The following RPS6KC1 variants were observed in gnomAD, a reference collection of about 807,000 sequenced individuals.
The protein encoded by RPS6KC1 is ribosomal protein S6 kinase C1.
RPS6KC1 carries 54 observed loss-of-function variants against 103.8 expected under a neutral mutation model. That is an observed-to-expected ratio of 0.52 (90% CI 0.42 to 0.65). RPS6KC1 has a LOEUF of 0.65. RPS6KC1 is among the 30% of genes least tolerant of loss of function. The pLI is 0.00. For missense variants in RPS6KC1, 1,151 were observed against 1,253.8 expected (o/e 0.92, Z 1.24); for synonymous variants, 439 against 438.7 (o/e 1.00, Z -0.01).
At chr1:213,423,195 C>T in the RPS6KC1 span, among the ~76,000 whole-genome samples, 2 of 152,218 alleles carry the variant, frequency 1.3e-5, no homozygotes, top group African/African-American at 2.4e-5. Context: ...TTCTTTTGTT[C>T]GGAGCTGAGG....
the RPS6KC1 span, among the ~76,000 whole-genome samples, chr1:213,449,069 T>A: frequency 1.3e-5 from 2 of 152,204 alleles, no homozygotes; most frequent in Non-Finnish European, 2.9e-5. Flanking sequence ...GAGGCTTTCC[T>A]CACAGGATCT....
intron 13 of RPS6KC1, 90 bp from the exon 14 acceptor site, chr1:213,262,630 GA>G (rs2094824036): frequency 2.4e-6 from 2 of 845,984 alleles, no homozygotes; most frequent in Non-Finnish European, 4.1e-6. Flanking sequence ...AATGGTTGTT[GA>G]GCTCTCTGTA....
intron 14 of RPS6KC1, among the ~76,000 whole-genome samples, chr1:213,272,091 C>T (rs1157611082): frequency 6.6e-6 from 1 of 152,158 alleles, no homozygotes; most frequent in African/African-American, 2.4e-5. Flanking sequence ...AGTTTAGTCT[C>T]AATACATACA....
At chr1:213,740,221 C>T in the RPS6KC1 span, among the ~76,000 whole-genome samples, 309 of 152,160 alleles carry the variant, frequency 2.0e-3, 1 homozygote, top group African/African-American at 6.9e-3. Flanking sequence ...GAAATTCCTG[C>T]TATAACATCA....
the RPS6KC1 span, among the ~76,000 whole-genome samples, chr1:213,481,289 G>T: frequency 6.6e-6 from 1 of 152,108 alleles, no homozygotes; most frequent in Non-Finnish European, 1.5e-5. Context: ...CCCATGAAAA[G>T]ACAAGAAAAT....
chr1:213,455,317 A>C, the RPS6KC1 span, among the ~76,000 whole-genome samples: 1 of 152,094 alleles, frequency 6.6e-6, no homozygotes, highest in African/African-American at 2.4e-5. Flanking sequence ...CAATTTAAGA[A>C]CATTAAAAAG....
the RPS6KC1 span, among the ~76,000 whole-genome samples, chr1:213,306,432 T>C: frequency 6.6e-6 from 1 of 152,216 alleles, no homozygotes; most frequent in Non-Finnish European, 1.5e-5. Flanking sequence ...TAGGGAATGA[T>C]GAGAGCATCC....
In RPS6KC1 at chr1:213,096,921, G is replaced by A. The variant is rs550779473; in HGVS notation, c.263-7533G>A. 1.6e-4 allele frequency among the ~76,000 whole-genome samples: 24 copies of A among 152,250 alleles called. No individual in the cohort carries two copies. The East Asian group carries it at 4.4e-3, about 28-fold the overall frequency. On this transcript the variant is annotated intron_variant, in intron 3 of 14. Transcript: ENST00000366960. ...ACAGAAATATATAGGTAAATAAGGA[G>A]GATTGAAAGTACAAAATTACTCCTT... is the stretch of plus-strand genomic sequence containing the variant.
chr1:213,594,002 A>G, the RPS6KC1 span, among the ~76,000 whole-genome samples: 1 of 152,078 alleles, frequency 6.6e-6, no homozygotes, highest in African/African-American at 2.4e-5. Flanking sequence ...AGTATCTGGG[A>G]TTACAGGCGT....
chr1:213,199,854 C>T (rs935808378), intron 8 of RPS6KC1, among the ~76,000 whole-genome samples: 7 of 152,090 alleles, frequency 4.6e-5, no homozygotes, highest in African/African-American at 1.2e-4. Context: ...AGTCAAGCCA[C>T]GAGCCAAATC....
At chr1:213,270,638 T>G (rs574326183) in intron 14 of RPS6KC1, among the ~76,000 whole-genome samples, 1 of 151,968 alleles carries the variant, frequency 6.6e-6, no homozygotes, top group East Asian at 1.9e-4. Flanking sequence ...ATATAAAAAT[T>G]TTAAAGAAGG....
the RPS6KC1 span, among the ~76,000 whole-genome samples, chr1:213,318,586 TG>T: frequency 6.6e-6 from 1 of 152,194 alleles, no homozygotes; most frequent in Non-Finnish European, 1.5e-5. Context: ...TACCCAGGAC[TG>T]GGAAGAAAAA....
chr1:213,114,668 A>G (rs1458967474), intron 4 of RPS6KC1, among the ~76,000 whole-genome samples: 3 of 151,928 alleles, frequency 2.0e-5, no homozygotes, highest in Non-Finnish European at 4.4e-5. Flanking sequence ...GTTTTTGCCC[A>G]TTCAGTATGA....
At chr1:213,199,910 C>T (rs1185070505) in intron 8 of RPS6KC1, among the ~76,000 whole-genome samples, 1 of 152,034 alleles carries the variant, frequency 6.6e-6, no homozygotes, top group Non-Finnish European at 1.5e-5. Flanking sequence ...AATAAAATAC[C>T]TAGGGATAAA....
chr1:213,206,886 G>A (rs1170943900), intron 8 of RPS6KC1, among the ~76,000 whole-genome samples: 3 of 152,154 alleles, frequency 2.0e-5, no homozygotes, highest in Admixed American at 2.0e-4. Flanking sequence ...GCCAAGGTGG[G>A]CGGATCACGA....
the RPS6KC1 span, among the ~76,000 whole-genome samples, chr1:213,696,517 A>G: frequency 5.8e-5 from 3 of 51,624 alleles, no homozygotes; most frequent in Non-Finnish European, 6.9e-5. Flanking sequence ...AAAAAAAAAA[A>G]AAAAAAAAAA....
chr1:213,628,833 GT>G, the RPS6KC1 span, among the ~76,000 whole-genome samples: 1 of 151,920 alleles, frequency 6.6e-6, no homozygotes, highest in African/African-American at 2.4e-5. Flanking sequence ...CCTTCATTTC[GT>G]TATGTACCCA....
chr1:213,224,173 C>T (rs1307926387), intron 8 of RPS6KC1, among the ~76,000 whole-genome samples: 1 of 152,174 alleles, frequency 6.6e-6, no homozygotes, highest in African/African-American at 2.4e-5. Flanking sequence ...TGTACCCCTT[C>T]TCCCTCTTTT....
the RPS6KC1 span, among the ~76,000 whole-genome samples, chr1:213,423,528 G>C: frequency 3.9e-5 from 6 of 152,278 alleles, no homozygotes; most frequent in East Asian, 3.9e-4. Flanking sequence ...GGTGGCTTTG[G>C]GGGGTGAGGA....
Sources: gnomAD v4.1 joint callset for allele counts (sites outside exome capture counted in the v4.1 genomes callset) on GRCh38, gnomAD v4.1.1 for gene constraint, MANE v1.5 for transcripts, NCBI Gene and HGNC (gene_info 2026-07-23, HGNC 2026-07-21) for gene names.